Variants in CTNNA3 observed in about 807,000 individuals in gnomAD.
CTNNA3 encodes catenin alpha-3.
A neutral mutation model predicts 95.7 loss-of-function variants in CTNNA3; 76 were observed. The observed-to-expected ratio is 0.79, with a 90% CI of 0.66 to 0.96. The LOEUF (loss-of-function observed/expected upper bound fraction) is 0.96. Among genes scored for constraint, CTNNA3 ranks in the 40% least tolerant of loss-of-function variants. The pLI is 0.00. For synonymous variants in CTNNA3, 431 were observed against 374.4 expected (o/e 1.15, Z -1.74); for missense variants, 1,191 against 1,089.8 (o/e 1.09, Z -1.31).
At chr10:66,950,745 C>G (rs1223016316) in intron 7 of CTNNA3, among the ~76,000 whole-genome samples, 3 of 152,108 alleles carry the variant, frequency 2.0e-5, no homozygotes, top group Non-Finnish European at 4.4e-5. Flanking sequence ...ATTTATTCAG[C>G]TGCAACTATT....
At chr10:66,219,279 G>C (rs1457409103) in intron 13 of CTNNA3, among the ~76,000 whole-genome samples, 1 of 152,112 alleles carries the variant, frequency 6.6e-6, no homozygotes, top group East Asian at 1.9e-4. Flanking sequence ...GTGTGGGAGG[G>C]ATATGAATCA....
Position 66,675,739 on chromosome 10 carries a change from A to G in CTNNA3, c.1282-53955T>C, listed in dbSNP as rs527283562. 4.6e-5 allele frequency among the ~76,000 whole-genome samples: 7 copies of G among 152,198 alleles called. No homozygotes were observed. In the South Asian group the frequency reaches 1.5e-3, roughly 32 times the overall value. ...TCAAAAGAGACATCCAGCCTGAATC[A>G]TTTTTATTGGCACAGATACCATTAT... On this transcript the variant is annotated intron_variant, in intron 9 of 17. Transcript: ENST00000433211.
At chr10:66,173,409 A>C (rs2085532108) in intron 13 of CTNNA3, among the ~76,000 whole-genome samples, 1 of 152,172 alleles carries the variant, frequency 6.6e-6, no homozygotes, top group Admixed American at 6.5e-5. Flanking sequence ...TTAGTATTTA[A>C]TGTGGTAACA....
chr10:66,537,844 T>C (rs1841713676), intron 10 of CTNNA3, among the ~76,000 whole-genome samples: 1 of 151,664 alleles, frequency 6.6e-6, no homozygotes. Context: ...TCAGCAAAAA[T>C]GGGTTAATAT....
intron 7 of CTNNA3, among the ~76,000 whole-genome samples, chr10:66,872,545 T>C (rs929835682): frequency 1.3e-5 from 2 of 152,062 alleles, no homozygotes; most frequent in Admixed American, 1.3e-4. Context: ...GGCGGGTGCC[T>C]GTAATCCCAG....
At chr10:66,824,824 A>AT (rs1194952613) in intron 7 of CTNNA3, among the ~76,000 whole-genome samples, 1 of 152,192 alleles carries the variant, frequency 6.6e-6, no homozygotes, top group African/African-American at 2.4e-5. Flanking sequence ...ACTAAATCCC[A>AT]TAACGGGATC....
chr10:66,319,986 C>G (rs1485910665), intron 12 of CTNNA3, among the ~76,000 whole-genome samples: 1 of 152,062 alleles, frequency 6.6e-6, no homozygotes, highest in East Asian at 1.9e-4. Context: ...TCACAGAATT[C>G]ATTGCACTCT....
At chr10:67,496,854 A>C (rs1440891825) in intron 5 of CTNNA3, among the ~76,000 whole-genome samples, 1 of 152,180 alleles carries the variant, frequency 6.6e-6, no homozygotes, top group Non-Finnish European at 1.5e-5. Context: ...TTTTCAGAGA[A>C]GTTCTAGGTA....
At chr10:67,355,222 A>T (rs772455505) in intron 5 of CTNNA3, among the ~76,000 whole-genome samples, 21 of 152,034 alleles carry the variant, frequency 1.4e-4, no homozygotes, top group Non-Finnish European at 2.5e-4. Context: ...TGATATTTTA[A>T]AAAGAAATTA....
chr10:67,287,989 A>T (rs1214635205), intron 5 of CTNNA3, among the ~76,000 whole-genome samples: 1 of 152,218 alleles, frequency 6.6e-6, no homozygotes, highest in African/African-American at 2.4e-5. Context: ...CATAAAAGAC[A>T]TTTAAAACCA....
intron 5 of CTNNA3, among the ~76,000 whole-genome samples, chr10:67,244,296 A>T (rs761186759): frequency 6.6e-6 from 1 of 152,182 alleles, no homozygotes; most frequent in Non-Finnish European, 1.5e-5. Context: ...GACTCTCAGG[A>T]TGTTCTAAAA....
chr10:66,926,986 C>A (rs1461090208), intron 7 of CTNNA3: 1 of 1,614,140 alleles, frequency 6.2e-7, no homozygotes, highest in Admixed American at 1.7e-5. Context: ...CACTGTCTTA[C>A]TGACAATGCT....
At chr10:67,739,267 G>A (rs1487036843) in intron 1 of CTNNA3, among the ~76,000 whole-genome samples, 2 of 152,110 alleles carry the variant, frequency 1.3e-5, no homozygotes, top group Non-Finnish European at 2.9e-5. Flanking sequence ...GAGAGTGGGG[G>A]CCAATATTCA....
intron 15 of CTNNA3, among the ~76,000 whole-genome samples, chr10:66,012,302 G>A (rs1303719869): frequency 3.9e-5 from 6 of 152,092 alleles, no homozygotes; most frequent in Non-Finnish European, 7.4e-5. Context: ...AATACTTGTT[G>A]GTGTGGGGAG....
At chr10:66,823,536 T>C (rs1842375957) in intron 7 of CTNNA3, among the ~76,000 whole-genome samples, 1 of 152,184 alleles carries the variant, frequency 6.6e-6, no homozygotes, top group Non-Finnish European at 1.5e-5. Flanking sequence ...AGCATAGGAA[T>C]GTCTGAGCAG....
At chr10:67,324,672 C>G (rs1306585863) in intron 5 of CTNNA3, among the ~76,000 whole-genome samples, 1 of 149,458 alleles carries the variant, frequency 6.7e-6, no homozygotes, top group Non-Finnish European at 1.5e-5. Context: ...CATCAATGTT[C>G]TTCAAGGATA....
intron 5 of CTNNA3, among the ~76,000 whole-genome samples, chr10:67,469,610 G>T (rs369368640): frequency 6.6e-6 from 1 of 151,808 alleles, no homozygotes; most frequent in Non-Finnish European, 1.5e-5. Flanking sequence ...GGCCTGTCGG[G>T]GGGTGGGGGG....
intron 5 of CTNNA3, among the ~76,000 whole-genome samples, chr10:67,519,607 G>T (rs1444385709): frequency 6.6e-6 from 1 of 152,094 alleles, no homozygotes; most frequent in Non-Finnish European, 1.5e-5. Context: ...CTGAGGATTT[G>T]CCATGAGTCA....
rs554356794 is a variant in CTNNA3, at chr10:67,608,681, G to C, written c.100-1632C>G. Among the ~76,000 whole-genome samples the C allele has an allele frequency of 7.9e-5, 12 of 152,100 alleles. No homozygotes were observed. The East Asian group carries it at 2.1e-3, about 27-fold the overall frequency. On this transcript the variant is annotated intron_variant, in intron 2 of 17. Transcript: ENST00000433211. Reference sequence around the variant, plus strand: ...AATAAAGCTTGGGGAAAAAAAGAAAGAAATGAATCTTAACAAATACAAGAA... The same window carrying C: ...AATAAAGCTTGGGGAAAAAAAGAAACAAATGAATCTTAACAAATACAAGAA...
Sources: allele counts gnomAD v4.1 joint callset (sites outside exome capture counted in the v4.1 genomes callset), GRCh38; gene constraint gnomAD v4.1.1; transcripts MANE v1.5; gene names NCBI Gene and HGNC (gene_info 2026-07-23, HGNC 2026-07-21).